Variants in DNAH10 observed in about 807,000 individuals in gnomAD.
The protein encoded by DNAH10 is axonemal beta dynein heavy chain 10.
A neutral mutation model predicts 506.6 loss-of-function variants in DNAH10; 348 were observed. That is an observed-to-expected ratio of 0.69 (90% CI 0.63 to 0.75). The LOEUF is 0.75. Among genes scored for constraint, DNAH10 ranks in the 30% least tolerant of loss-of-function variants. The pLI is 0.00. For missense variants in DNAH10, 5,179 were observed against 5,787.1 expected, an observed-to-expected ratio of 0.89 and a Z score of 3.41; for synonymous variants, 2,059 against 2,198.6, an observed-to-expected ratio of 0.94 and a Z score of 1.78.
intron 5 of DNAH10, among the ~76,000 whole-genome samples, chr12:123,774,731 C>T (rs1177226180): frequency 1.3e-5 from 2 of 152,262 alleles, no homozygotes; most frequent in African/African-American, 2.4e-5. Context: ...AGCGGTTTTC[C>T]ACCCTGGGCG....
chr12:123,812,458 A>G (rs1431072595), intron 19 of DNAH10, among the ~76,000 whole-genome samples: 1 of 152,194 alleles, frequency 6.6e-6, no homozygotes, highest in Non-Finnish European at 1.5e-5. Flanking sequence ...CTCAAAAAAA[A>G]CAACAAAACA....
In DNAH10 at chr12:123,870,370, A is replaced by G. The variant is rs189155927; in HGVS notation, c.7524A>G (p.Gln2508=). 4.6e-5 allele frequency: 74 copies of G among 1,613,326 alleles called. No individual in the cohort carries two copies. The African/African-American group carries it at 7.6e-4, about 17-fold the overall frequency. The change falls in exon 44 of 79, where the codon CAA becomes CAG. Residue 2508 remains glutamine, a synonymous_variant. Transcript: ENST00000673944. The stretch of plus-strand genomic sequence containing the variant: ...ATCAACCATGATTTCCTGCAGGTCA[A>G]CTTCCAACCTTGTATGACTTTCATT... ...VWANPGELPG[Q]LPTLYDFHFD...
intron 54 of DNAH10, among the ~76,000 whole-genome samples, chr12:123,896,146 C>CAGAG (rs1953223312): frequency 1.2e-4 from 12 of 102,528 alleles, no homozygotes; most frequent in African/African-American, 4.6e-4. Context: ...CACACACACA[C>CAGAG]ACAGAGAGAG....
At chr12:123,860,568 C>G (rs1390842640) in intron 38 of DNAH10, among the ~76,000 whole-genome samples, 3 of 152,140 alleles carry the variant, frequency 2.0e-5, no homozygotes, top group African/African-American at 4.8e-5. Context: ...TTCATGAAGT[C>G]AACAGAGCAG....
chr12:123,927,117 A>G (rs1954981150), intron 69 of DNAH10: 1 of 370,026 alleles, frequency 2.7e-6, no homozygotes, highest in Non-Finnish European at 4.8e-6. Context: ...AACATAGCTC[A>G]CTGCAGCCTC....
intron 8 of DNAH10, among the ~76,000 whole-genome samples, chr12:123,784,845 T>C (rs1431614859): frequency 6.6e-6 from 1 of 152,244 alleles, no homozygotes; most frequent in Non-Finnish European, 1.5e-5. Flanking sequence ...ACTGATCCTG[T>C]GTGCAGTCTC....
intron 52 of DNAH10, among the ~76,000 whole-genome samples, chr12:123,887,783 C>T (rs1278076877): frequency 6.7e-6 from 1 of 150,010 alleles, no homozygotes; most frequent in East Asian, 2.0e-4. Flanking sequence ...CTCGTTCTGT[C>T]TTCCAGGCTG....
At chr12:123,792,362 C>T (rs10773036) in intron 11 of DNAH10, among the ~76,000 whole-genome samples, 86,885 of 151,788 alleles carry the variant, frequency 0.57, 25,513 homozygotes, top group East Asian at 0.94. Context: ...AATACTTAAA[C>T]ATATCAGTGC....
chr12:123,807,825 G>C (rs1958742441), intron 18 of DNAH10, among the ~76,000 whole-genome samples: 1 of 134,538 alleles, frequency 7.4e-6, no homozygotes, highest in South Asian at 2.6e-4. Context: ...AGATAAGGAG[G>C]GGGGAAGAGG....
chr12:123,933,602 G>GC, intron 77 of DNAH10, 91 bp downstream of exon 77: 2 of 1,409,108 alleles, frequency 1.4e-6, no homozygotes, highest in Non-Finnish European at 1.9e-6. Flanking sequence ...CATAGCGTGG[G>GC]CCTAAATGGG....
chr12:123,855,935 T>A (rs1248838654), intron 36 of DNAH10, among the ~76,000 whole-genome samples: 1 of 149,836 alleles, frequency 6.7e-6, no homozygotes, highest in Non-Finnish European at 1.5e-5. Context: ...AATTTTGTAT[T>A]GTATATTTCA....
intron 21 of DNAH10, among the ~76,000 whole-genome samples, chr12:123,818,170 C>G (rs964907942): frequency 6.6e-6 from 1 of 152,046 alleles, no homozygotes; most frequent in Non-Finnish European, 1.5e-5. Context: ...TGGTCTTGAA[C>G]GCCTGACCTC....
At chr12:123,784,886 C>T (rs1395513158) in intron 8 of DNAH10, among the ~76,000 whole-genome samples, 1 of 152,192 alleles carries the variant, frequency 6.6e-6, no homozygotes, top group Non-Finnish European at 1.5e-5. Context: ...TCAAGGTTCA[C>T]CTGTGTTGTA....
At chr12:123,847,258 CTAT>C (rs1392350872) in intron 32 of DNAH10, among the ~76,000 whole-genome samples, 38 of 149,178 alleles carry the variant, frequency 2.5e-4, no homozygotes, top group Middle Eastern at 3.4e-3. Context: ...ATCTATCTAT[CTAT>C]CTATCCATCC....
At chr12:123,893,093 G>A (rs535182629) in intron 52 of DNAH10, 140 bp from the exon 53 acceptor site, 35 of 850,472 alleles carry the variant, frequency 4.1e-5, no homozygotes, top group Middle Eastern at 3.5e-4. Flanking sequence ...AGGGAGCCTC[G>A]GGTCTCAGGT....
chr12:123,788,494 G>A lies in DNAH10; in HGVS notation c.1620+492G>A, dbSNP rs149586827. On this transcript the variant is annotated intron_variant, in intron 10 of 78. Coordinates refer to ENST00000673944, the MANE Select transcript of DNAH10 (RefSeq NM_001372106.1). ...TAAATGCATTCACGGAGAACTCACG[G>A]TGTGCCGGGTACTCAGATGTCTTAA... Among the ~76,000 whole-genome samples the A allele has an allele frequency of 3.4e-3, 517 of 152,250 alleles. 1 individual carries two copies. The highest frequency in any genetic ancestry group is 5.7e-3 in the Non-Finnish European group (390 of 68,036).
rs753976064 is a variant in DNAH10 at position 123,913,180 on chromosome 12, A to T, written c.10217A>T (p.Glu3406Val). 11 of 1,611,356 alleles carry T rather than the reference A, an allele frequency of 6.8e-6. No homozygotes were observed. The Middle Eastern group carries it at 6.6e-4, about 97-fold the overall frequency. Residue 3406 changes from glutamate (E) to valine (V), a missense_variant, in exon 60 of 79, where the codon GAG (glutamate) becomes GTG (valine). By Grantham distance (121) the Glu-to-Val change is moderately radical. Transcript: ENST00000673944. The surrounding 1 kb of genome is among the most constrained non-coding windows in gnomAD (Gnocchi z 5.1). ...AATGAGTTGGCAGCAATTCAGAAAG[A>T]GCTGGAAACATTGGGTGCCAAATAT... ...IQNELAAIQK[E>V]LETLGAKYEA...
At position 123,928,889 on chromosome 12, in the gene DNAH10, A is replaced by G; in HGVS notation, c.12306+302A>G. ...CCCCACACACAGCCTGCAGTTCGCT[A>G]GTGCTGACTGCAGGAGTTTCGCGTG... On this transcript the variant is annotated intron_variant, in intron 70 of 78. Coordinates refer to ENST00000673944, the MANE Select transcript of DNAH10 (RefSeq NM_001372106.1). This position sits in a 1 kb window ranked among gnomAD's most constrained non-coding sequence, Gnocchi z 4.9. 2.2e-6 allele frequency: 1 copy of G among 460,502 alleles called. No homozygotes were observed. The highest frequency in any genetic ancestry group is 3.1e-5 in the South Asian group (1 of 31,918). The allele number at this position is 460,502 out of a possible 1,614,324, so 28.5% of individuals were successfully genotyped here. A position where few individuals can be genotyped will look rare whatever the true frequency, so the allele number is the denominator to read the frequency against.
intron 64 of DNAH10, 102 bp from the exon 65 acceptor site, chr12:123,918,574 C>A: frequency 7.2e-7 from 1 of 1,389,706 alleles, no homozygotes; most frequent in Non-Finnish European, 9.6e-7. Flanking sequence ...CTTTCAAAGC[C>A]CTGAAGCATT....
Sources: allele counts gnomAD v4.1 joint callset (sites outside exome capture counted in the v4.1 genomes callset), GRCh38; gene constraint gnomAD v4.1.1; non-coding constraint Gnocchi (gnomAD v3.1); transcripts MANE v1.5; gene names NCBI Gene and HGNC (gene_info 2026-07-23, HGNC 2026-07-21).